PSMC1: variants seen among roughly 807,000 people sequenced by gnomAD.
The protein encoded by PSMC1 is proteasome 26S subunit, ATPase 1.
In PSMC1, 5 loss-of-function variants were observed where a neutral mutation model predicts 49.8. The ratio of observed to expected loss-of-function variants is 0.10; its 90% CI spans 0.05 to 0.21. The LOEUF (loss-of-function observed/expected upper bound fraction) is 0.21. Among genes scored for constraint, PSMC1 ranks in the 10% least tolerant of loss-of-function variants. The probability of loss-of-function intolerance (pLI) is 1.00; values close to 1 mark genes in which losing one functional copy is unlikely to be tolerated. For synonymous variants in PSMC1, 155 were observed against 192.1 expected, an observed-to-expected ratio of 0.81 and a Z score of 1.60; for missense variants, 181 against 535.7, an observed-to-expected ratio of 0.34 and a Z score of 6.54.
In PSMC1 at chr14:90,264,028, T is replaced by C. The variant is rs755818500; in HGVS notation, c.466-13T>C. ...CTCACGTTCCTGTGTTAAACCTTGA[T>C]GTTTCCTGTTAGGTGCATGCCGTGA... On this transcript the variant is annotated splice_polypyrimidine_tract_variant and intron_variant, in intron 5 of 10. Transcript: ENST00000261303. The C allele has an allele frequency of 1.1e-5, 17 of 1,603,558 alleles. No individual in the cohort carries two copies. Among genetic ancestry groups the C allele is most frequent in the Non-Finnish European group, 1.4e-5 (17 of 1,176,066 alleles).
chr14:90,264,466 T>C (rs957760991), intron 6 of PSMC1, among the ~76,000 whole-genome samples: 1 of 152,248 alleles, frequency 6.6e-6, no homozygotes, highest in African/African-American at 2.4e-5. Context: ...CAGTTGTGTT[T>C]ATCTGGAAGC....
chr14:90,258,759 A>G (rs1389339840), intron 1 of PSMC1, among the ~76,000 whole-genome samples: 4 of 152,220 alleles, frequency 2.6e-5, no homozygotes, highest in Admixed American at 1.3e-4. Flanking sequence ...CGTAGCTTTC[A>G]TAGCCTGATT....
At position 90,270,320 on chromosome 14, in the gene PSMC1, G is replaced by T. The variant is rs759313248; in HGVS notation, c.1156G>T (p.Ala386Ser). 6.2e-7 allele frequency: 1 copy of T among 1,613,478 alleles called. No individual in the cohort carries two copies. The highest frequency in any genetic ancestry group is 2.2e-5 in the East Asian group (1 of 44,822). Residue 386 changes from alanine to serine, a missense_variant, in exon 10 of 11, where the codon GCT becomes TCT. Coordinates refer to ENST00000261303, the MANE Select transcript of PSMC1 (RefSeq NM_002802.3). ...TGTAACCCTGGACGACCTGATCATG[G>T]CTAAAGATGACCTCTCTGGTGCTGA... The part of the protein sequence containing the change: ...DDVTLDDLIM[A>S]KDDLSGADIK...
rs576705357 is a variant in PSMC1 at position 90,267,286 on chromosome 14, C to T, written c.692-938C>T. 9.9e-5 allele frequency among the ~76,000 whole-genome samples: 15 copies of T among 152,112 alleles called. No individual in the cohort carries two copies. The East Asian group carries it at 2.5e-3, about 25-fold the overall frequency. ...AAGCAATTCTCCTGCCTCAGCCTCCCGAGTAGCTAGGATTACAGGCATGTG... is the reference window on the plus strand; with the variant it reads ...AAGCAATTCTCCTGCCTCAGCCTCCTGAGTAGCTAGGATTACAGGCATGTG... On this transcript the variant is annotated intron_variant, in intron 7 of 10. Transcript: ENST00000261303.
intron 8 of PSMC1, chr14:90,269,026 A>G (rs932014503): frequency 6.0e-6 from 1 of 167,098 alleles, no homozygotes; most frequent in Non-Finnish European, 1.3e-5. Context: ...ACAAAAGAGC[A>G]AAAAGGGCCT....
At chr14:90,264,005 C>A in intron 5 of PSMC1, 36 bp from the exon 6 acceptor site, 1 of 1,591,876 alleles carries the variant, frequency 6.3e-7, no homozygotes, top group East Asian at 2.2e-5. Context: ...CAGCAAACCT[C>A]ACGTTCCTGT....
intron 3 of PSMC1, among the ~76,000 whole-genome samples, 193 bp from the exon 4 acceptor site, chr14:90,263,125 A>G (rs1490117678): frequency 1.3e-5 from 2 of 152,134 alleles, no homozygotes; most frequent in East Asian, 1.9e-4. Flanking sequence ...CCCCATCCCC[A>G]TTTTGAAGGG....
In PSMC1 at chr14:90,272,640, A is replaced by G. The variant is rs1329558515; in HGVS notation, c.*233A>G. On this transcript the variant is annotated 3_prime_UTR_variant, in exon 11 of 11. Coordinates refer to ENST00000261303, the MANE Select transcript of PSMC1 (RefSeq NM_002802.3). The surrounding 1 kb of genome is among the most constrained non-coding windows in gnomAD (Gnocchi z 4.5). ...TTTCACAAACACTTCCTGTTTCTGC[A>G]GTCTCCACACACACCTACCGCTCAA... The G allele has an allele frequency of 9.8e-6, 4 of 409,676 alleles. No individual in the cohort carries two copies. Among genetic ancestry groups the G allele is most frequent in the Non-Finnish European group, 1.4e-5 (3 of 218,242 alleles). The allele number at this position is 409,676 out of a possible 1,614,324, so 25.4% of individuals were successfully genotyped here. A position where few individuals can be genotyped will look rare whatever the true frequency, so the allele number is the denominator to read the frequency against.
Position 90,272,377 on chromosome 14 carries a change from G to A in PSMC1, c.1293G>A (p.Gln431=). 1.9e-6 allele frequency: 3 copies of A among 1,582,398 alleles called. No individual in the cohort carries two copies. Among genetic ancestry groups the A allele is most frequent in the Non-Finnish European group, 2.6e-6 (3 of 1,163,516 alleles). The change falls in exon 11 of 11, where the codon CAG becomes CAA. Residue 431 remains glutamine (Q), a synonymous_variant. Transcript: ENST00000261303. This position sits in a 1 kb window ranked among gnomAD's most constrained non-coding sequence, Gnocchi z 4.5. The part of the protein sequence containing the change: ...KSKENVLYKK[Q]EGTPEGLYL ...AAGAAAATGTTCTTTATAAGAAACAGGAAGGCACCCCTGAGGGGCTGTATC... is the reference window on the plus strand; with the variant it reads ...AAGAAAATGTTCTTTATAAGAAACAAGAAGGCACCCCTGAGGGGCTGTATC...
chr14:90,268,464 GCTCTT>G lies in PSMC1; in HGVS notation c.881+57_881+61del, dbSNP rs748640589. 6 of 1,564,910 alleles carry G rather than the reference GCTCTT, an allele frequency of 3.8e-6. No homozygotes were observed. The East Asian group carries it at 6.7e-5, about 18-fold the overall frequency. ...CTTGTTTAGTAGGGAACACCGCATAGCTCTTCTCTTGAGAATGAGCAATCTCAGGG... is the reference window on the plus strand; with the variant it reads ...CTTGTTTAGTAGGGAACACCGCATAGCTCTTGAGAATGAGCAATCTCAGGG... On this transcript the variant is annotated intron_variant, in intron 8 of 10. Transcript: ENST00000261303.
chr14:90,264,411 T>C (rs941941388), intron 6 of PSMC1, among the ~76,000 whole-genome samples: 11 of 152,356 alleles, frequency 7.2e-5, no homozygotes, highest in African/African-American at 2.4e-4. Flanking sequence ...TAATGTTGAA[T>C]GCATTGTCTG....
intron 3 of PSMC1, 51 bp from the exon 4 acceptor site, chr14:90,263,267 C>T (rs780262492): frequency 1.3e-6 from 2 of 1,529,340 alleles, no homozygotes; most frequent in Admixed American, 4.7e-5. Flanking sequence ...TTTTTCCTTA[C>T]TTGCAAACTT....
At chr14:90,270,856 T>G (rs1444004176) in intron 10 of PSMC1, 1 of 152,366 alleles carries the variant, frequency 6.6e-6, no homozygotes, top group Admixed American at 6.5e-5. Flanking sequence ...GCGTTGAATA[T>G]GGGTTCTACC....
At chr14:90,266,605 C>T (rs1891521728) in intron 7 of PSMC1, among the ~76,000 whole-genome samples, 1 of 152,170 alleles carries the variant, frequency 6.6e-6, no homozygotes, top group African/African-American at 2.4e-5. Flanking sequence ...CAGCTGCAGG[C>T]CCCCTGTGGG....
chr14:90,264,231 T>C, intron 6 of PSMC1, 62 bp downstream of exon 6: 1 of 1,596,744 alleles, frequency 6.3e-7, no homozygotes, highest in African/African-American at 1.4e-5. Context: ...CCATTTAGGA[T>C]ACTTTGCAGG....
chr14:90,268,118 G>GGC, intron 7 of PSMC1, 106 bp from the exon 8 acceptor site: 1 of 868,720 alleles, frequency 1.2e-6, no homozygotes, highest in Non-Finnish European at 1.7e-6. Flanking sequence ...TAGCATGAGG[G>GGC]CCCGCCTGTT....
chr14:90,259,990 A>G, intron 2 of PSMC1, 125 bp from the exon 3 acceptor site: 1 of 556,166 alleles, frequency 1.8e-6, no homozygotes, highest in Non-Finnish European at 3.1e-6. Context: ...CAGGTTTTTA[A>G]TAACATCCTA....
At position 90,275,427 on chromosome 14, in the gene PSMC1, C is replaced by G. The variant is rs1891783349; in HGVS notation, c.*3020C>G. 6.6e-6 allele frequency: 1 copy of G among 152,170 alleles called. No individual in the cohort carries two copies. The highest frequency in any genetic ancestry group is 1.5e-5 in the Non-Finnish European group (1 of 68,032). The allele number at this position is 152,170 out of a possible 1,614,324, so 9.4% of individuals were successfully genotyped here. A position where few individuals can be genotyped will look rare whatever the true frequency, so the allele number is the denominator to read the frequency against. On this transcript the variant is annotated 3_prime_UTR_variant, in exon 11 of 11. Coordinates refer to ENST00000261303, the MANE Select transcript of PSMC1 (RefSeq NM_002802.3). ...TTGAGATTAAAAAAAACAAAAAACCCCAGCACATCAGTATTGCCTTTTCCT... is the reference window on the plus strand; with the variant it reads ...TTGAGATTAAAAAAAACAAAAAACCGCAGCACATCAGTATTGCCTTTTCCT...
In PSMC1 at chr14:90,263,204, AT is replaced by A. The variant is rs1201003233; in HGVS notation, c.155-109del. 4 of 1,133,678 alleles carry A rather than the reference AT, an allele frequency of 3.5e-6. No homozygotes were observed. In the Admixed American group the frequency reaches 1.2e-4, roughly 34 times the overall value. The allele number at this position is 1,133,678 out of a possible 1,614,324, so 70.2% of individuals were successfully genotyped here. Reference sequence around the variant, plus strand: ...GGTTTACTTAGAGTTACCAAACTGAATTTTTCTGAAGCTATCGCCAACAAAA... The same window carrying A: ...GGTTTACTTAGAGTTACCAAACTGAATTTTCTGAAGCTATCGCCAACAAAA... On this transcript the variant is annotated intron_variant, in intron 3 of 10. Transcript: ENST00000261303.
Sources: allele counts gnomAD v4.1 joint callset (sites outside exome capture counted in the v4.1 genomes callset), GRCh38; gene constraint gnomAD v4.1.1; non-coding constraint Gnocchi (gnomAD v3.1); transcripts MANE v1.5; gene names NCBI Gene and HGNC (gene_info 2026-07-23, HGNC 2026-07-21).